The following TTLL5 variants were observed in gnomAD, a reference collection of about 807,000 sequenced individuals.
TTLL5 encodes the protein tubulin tyrosine ligase like 5.
TTLL5 carries 132 observed loss-of-function variants against 168.4 expected under a neutral mutation model. The observed-to-expected ratio is 0.78, with a 90% confidence interval of 0.68 to 0.91. The LOEUF is 0.91. TTLL5 is among the 40% of genes least tolerant of loss of function. The probability of loss-of-function intolerance (pLI) is 0.00; values close to 1 mark genes in which losing one functional copy is unlikely to be tolerated. For missense variants in TTLL5, 1,545 were observed against 1,581.5 expected (o/e 0.98, Z 0.39); for synonymous variants, 546 against 558.6 (o/e 0.98, Z 0.32).
chr14:75,807,177 G>A (rs1893706046), intron 27 of TTLL5, among the ~76,000 whole-genome samples: 1 of 152,186 alleles, frequency 6.6e-6, no homozygotes, highest in Non-Finnish European at 1.5e-5. Flanking sequence ...GCTGGGTGCA[G>A]TGGCGCACTC....
chr14:75,831,701 TTTG>T (rs1339916331), intron 28 of TTLL5, among the ~76,000 whole-genome samples: 2 of 152,176 alleles, frequency 1.3e-5, no homozygotes, highest in Non-Finnish European at 2.9e-5. Context: ...TCTTTGAAGT[TTTG>T]TTTTAGCAGC....
intron 5 of TTLL5, among the ~76,000 whole-genome samples, chr14:75,688,582 A>G (rs1885230643): frequency 6.6e-6 from 1 of 152,202 alleles, no homozygotes; most frequent in Non-Finnish European, 1.5e-5. Context: ...TTAGAAGCAC[A>G]GGTAAAACAA....
chr14:75,832,901 T>G (rs1321848440), intron 28 of TTLL5, among the ~76,000 whole-genome samples: 1 of 152,128 alleles, frequency 6.6e-6, no homozygotes, highest in Admixed American at 6.5e-5. Flanking sequence ...AAGTCTCCCT[T>G]CTTCTCCTAT....
chr14:75,855,099 T>C (rs1366053599), intron 28 of TTLL5, among the ~76,000 whole-genome samples: 1 of 151,518 alleles, frequency 6.6e-6, no homozygotes, highest in East Asian at 1.9e-4. Context: ...ATTCTTTGAT[T>C]TTTCCCTAAT....
chr14:75,779,639 C>T lies in TTLL5; in HGVS notation c.2452C>T (p.Leu818=), dbSNP rs201306338. The change falls in exon 24 of 32, where the codon CTG becomes TTG. Residue 818 remains leucine, a synonymous_variant. Transcript: ENST00000298832. ...AAAGAACAAGTCTGCTAGTGTCTTC[C>T]TGGGGACTCACTCTAAAATTTCTAA... ...TQKNKSASVF[L]GTHSKISKNN... is the part of the protein sequence containing the mutation. The T allele has an allele frequency of 2.1e-5, 34 of 1,613,736 alleles. No individual in the cohort carries two copies. Among genetic ancestry groups the T allele is most frequent in the Non-Finnish European group, 2.8e-5 (33 of 1,179,860 alleles).
At chr14:75,769,087 T>A (rs1891125484) in intron 20 of TTLL5, among the ~76,000 whole-genome samples, 1 of 152,226 alleles carries the variant, frequency 6.6e-6, no homozygotes, top group African/African-American at 2.4e-5. Context: ...TGGACTGTAT[T>A]CTAAGGTCCT....
chr14:75,749,349 G>T (rs1182177870), intron 17 of TTLL5, among the ~76,000 whole-genome samples: 11 of 152,100 alleles, frequency 7.2e-5, no homozygotes, highest in Non-Finnish European at 1.6e-4. Context: ...TTCTTTACTA[G>T]GTTGGTTTTG....
rs545317426 is a variant in TTLL5 at position 75,755,882 on chromosome 14, C to T, written c.1550+2927C>T. ...ACTACCTTCCTTACCTTCTTGACTC[C>T]TCCCCGACCTACCCACTCTGTTCTG... is the stretch of plus-strand genomic sequence containing the variant. On this transcript the variant is annotated intron_variant, in intron 18 of 31. Transcript: ENST00000298832. Among the ~76,000 whole-genome samples the T allele has an allele frequency of 9.9e-5, 15 of 152,206 alleles. No individual in the cohort carries two copies. The East Asian group carries it at 2.7e-3, about 27-fold the overall frequency.
chr14:75,787,858 T>A (rs1385700216), intron 26 of TTLL5, among the ~76,000 whole-genome samples: 1 of 152,180 alleles, frequency 6.6e-6, no homozygotes, highest in East Asian at 1.9e-4. Flanking sequence ...GAAACCCCCA[T>A]GTATTTCAAA....
rs565806394 is a variant in TTLL5 at position 75,839,278 on chromosome 14, G to A, written c.3326+19117G>A. 1.2e-4 allele frequency among the ~76,000 whole-genome samples: 18 copies of A among 152,174 alleles called. No individual in the cohort carries two copies. In the South Asian group the frequency reaches 1.5e-3, roughly 12 times the overall value. On this transcript the variant is annotated intron_variant, in intron 28 of 31. Coordinates refer to ENST00000298832, the MANE Select transcript of TTLL5 (RefSeq NM_015072.5). ...AGAGTAATTCTATTTTTAAGTTTTC[G>A]AGGAACCATCATACTGTTTTCCATA...
chr14:75,931,787 C>A (rs561701486), intron 31 of TTLL5, among the ~76,000 whole-genome samples: 1 of 152,366 alleles, frequency 6.6e-6, no homozygotes, highest in South Asian at 2.1e-4. Flanking sequence ...CAAACTTCTT[C>A]ACCATTGCAC....
At chr14:75,838,043 A>G (rs1895969149) in intron 28 of TTLL5, 1 of 152,216 alleles carries the variant, frequency 6.6e-6, no homozygotes, top group South Asian at 2.1e-4. Context: ...TATGCCCAGA[A>G]GTTAAATTGC....
rs372237624 is a variant in TTLL5 at position 75,764,664 on chromosome 14, A to G, written c.1600A>G (p.Lys534Glu). 2 of 1,614,182 alleles carry G rather than the reference A, an allele frequency of 1.2e-6. No homozygotes were observed. Among genetic ancestry groups the G allele is most frequent in the East Asian group, 2.2e-5 (1 of 44,888 alleles). Residue 534 changes from lysine to glutamate, a missense_variant, in exon 19 of 32, where the codon AAG (lysine) becomes GAG (glutamate). Coordinates refer to ENST00000298832, the MANE Select transcript of TTLL5 (RefSeq NM_015072.5). The part of the protein sequence containing the change: ...PELKIESLNS[K>E]AKLHAALYER... ...ATTGAAGATAGAGAGTCTGAATTCAAAGGCCAAGCTGCATGCTGCACTTTA... is the reference window on the plus strand; with the variant it reads ...ATTGAAGATAGAGAGTCTGAATTCAGAGGCCAAGCTGCATGCTGCACTTTA...
chr14:75,949,896 G>T (rs933151492), intron 31 of TTLL5, among the ~76,000 whole-genome samples: 1 of 151,700 alleles, frequency 6.6e-6, no homozygotes, highest in Non-Finnish European at 1.5e-5. Flanking sequence ...AAAGATACCA[G>T]TTCTCCCTAA....
At chr14:75,762,352 G>A (rs1483300735) in intron 18 of TTLL5, among the ~76,000 whole-genome samples, 1 of 152,090 alleles carries the variant, frequency 6.6e-6, no homozygotes, top group Non-Finnish European at 1.5e-5. Context: ...TCGAGATGGC[G>A]CCACTGCACT....
chr14:75,861,613 T>C (rs1476195874), intron 28 of TTLL5, among the ~76,000 whole-genome samples: 1 of 152,208 alleles, frequency 6.6e-6, no homozygotes, highest in Non-Finnish European at 1.5e-5. Flanking sequence ...TTTCTCAATT[T>C]AGGCACCCTT....
intron 31 of TTLL5, among the ~76,000 whole-genome samples, chr14:75,913,614 TAAAAA>T (rs1261234833): frequency 6.6e-6 from 1 of 152,060 alleles, no homozygotes; most frequent in Non-Finnish European, 1.5e-5. Flanking sequence ...TAACCAAAAA[TAAAAA>T]AGAAATTCTG....
At position 75,735,235 on chromosome 14, in the gene TTLL5, G is replaced by T. The variant is rs1191504919; in HGVS notation, c.1227G>T (p.Arg409=). 1 of 1,614,182 alleles carries T rather than the reference G, an allele frequency of 6.2e-7. No homozygotes were observed. The highest frequency in any genetic ancestry group is 8.5e-7 in the Non-Finnish European group (1 of 1,179,988). ...ATCCTGCCCAGCGGGCATCAACTCGGCCAATTTATCCCACCTTTGAGTCTT... is the reference window on the plus strand; with the variant it reads ...ATCCTGCCCAGCGGGCATCAACTCGTCCAATTTATCCCACCTTTGAGTCTT... ...CQDPAQRAST[R]PIYPTFESSR... is the part of the protein sequence containing the mutation. Residue 409 remains arginine, a synonymous_variant, in exon 15 of 32, where the codon CGG becomes CGT. Transcript: ENST00000298832.
chr14:75,681,736 A>ACC, intron 4 of TTLL5, 109 bp downstream of exon 4: 4 of 876,786 alleles, frequency 4.6e-6, no homozygotes, highest in Non-Finnish European at 7.5e-6. Flanking sequence ...ACATGGGACC[A>ACC]ATGCTTAGTG....
Sources: allele counts gnomAD v4.1 joint callset (sites outside exome capture counted in the v4.1 genomes callset), GRCh38; gene constraint gnomAD v4.1.1; transcripts MANE v1.5; gene names NCBI Gene and HGNC (gene_info 2026-07-23, HGNC 2026-07-21).